UQCRB: variants seen among roughly 807,000 people sequenced by gnomAD.
UQCRB encodes ubiquinol-cytochrome c reductase binding protein, also known as cytochrome b-c1 complex subunit 7.
Under a neutral mutation model 19.8 loss-of-function variants are expected in UQCRB, and 12 were observed. The observed-to-expected ratio is 0.61, with a 90% confidence interval of 0.39 to 0.98. The LOEUF is 0.98. Ranked by LOEUF, UQCRB falls within the 50% of genes least tolerant of loss-of-function variation. The probability of loss-of-function intolerance (pLI) is 0.00; values close to 1 mark genes in which losing one functional copy is unlikely to be tolerated. For missense variants in UQCRB, 142 were observed against 131.8 expected (o/e 1.08, Z -0.38); for synonymous variants, 39 against 42.9 (o/e 0.91, Z 0.35).
In UQCRB at chr8:96,233,246, TTA is replaced by T; in HGVS notation, c.20-21_20-20del. ...GCTGAAACTGATAATTGTCACACTG[TTA>T]ATTGCTACAATTTAATTATACTATA... On this transcript the variant is annotated intron_variant, in intron 1 of 3. Coordinates refer to ENST00000287022, the MANE Select transcript of UQCRB (RefSeq NM_006294.5). 6.2e-7 allele frequency: 1 copy of T among 1,611,924 alleles called. No individual in the cohort carries two copies. Among genetic ancestry groups the T allele is most frequent in the Non-Finnish European group, 8.5e-7 (1 of 1,178,512 alleles).
chr8:96,231,361 A>C, intron 3 of UQCRB: 2 of 1,543,544 alleles, frequency 1.3e-6, no homozygotes, highest in Non-Finnish European at 1.7e-6. Flanking sequence ...GAAGAAAAAG[A>C]AATGAATGTC....
At chr8:96,233,721 A>T (rs1809730033) in intron 1 of UQCRB, 1 of 155,134 alleles carries the variant, frequency 6.4e-6, no homozygotes, top group African/African-American at 2.4e-5. Flanking sequence ...ATTTCAGCAT[A>T]GACTGGCAGG....
chr8:96,231,490 G>C, intron 3 of UQCRB: 1 of 1,534,472 alleles, frequency 6.5e-7, no homozygotes, highest in Non-Finnish European at 8.7e-7. Flanking sequence ...GTAGGAAGCA[G>C]AGTGCAGAGC....
intron 3 of UQCRB, chr8:96,231,405 G>T: frequency 6.5e-7 from 1 of 1,537,448 alleles, no homozygotes; most frequent in Non-Finnish European, 8.7e-7. Context: ...TGCAGTTCAA[G>T]GGGTGAGAGT....
rs1278077195 is a variant in UQCRB, at chr8:96,226,923, A to T, written c.*4132T>A. ...TGATTCAGTTCTTCTTTCTTGCTCA[A>T]TTGCTAATACAATAAAATTTCTTAG... is the stretch of plus-strand genomic sequence containing the variant. On this transcript the variant is annotated 3_prime_UTR_variant, in exon 4 of 4. Transcript: ENST00000287022. 1 of 453,834 alleles carries T rather than the reference A, an allele frequency of 2.2e-6. No homozygotes were observed. Among genetic ancestry groups the T allele is most frequent in the African/African-American group, 2.0e-5 (1 of 49,990 alleles). 28.1% of individuals were successfully genotyped at this position (453,834 alleles called of 1,614,324 possible).
At position 96,229,571 on chromosome 8, in the gene UQCRB, T is replaced by G. The variant is rs555655575; in HGVS notation, c.*1484A>C. On this transcript the variant is annotated 3_prime_UTR_variant, in exon 4 of 4. Coordinates refer to ENST00000287022, the MANE Select transcript of UQCRB (RefSeq NM_006294.5). ...GATCTACTCAGGAAAATTTTCTGAA[T>G]AGACAAATGCTTTTAAAGGGGGTTC... is the stretch of plus-strand genomic sequence containing the variant. The G allele has an allele frequency of 6.6e-6, 3 of 454,120 alleles. No homozygotes were observed. The highest frequency in any genetic ancestry group is 4.0e-5 in the African/African-American group (2 of 50,130). 28.1% of individuals were successfully genotyped at this position (454,120 alleles called of 1,614,324 possible). A position where few individuals can be genotyped will look rare whatever the true frequency, so the allele number is the denominator to read the frequency against.
rs1809504689 is a variant in UQCRB, at chr8:96,225,090, A to C, written c.*5965T>G. 6.6e-6 allele frequency among the ~76,000 whole-genome samples: 1 copy of C among 152,148 alleles called. No individual in the cohort carries two copies. Among genetic ancestry groups the C allele is most frequent in the Non-Finnish European group, 1.5e-5 (1 of 68,022 alleles). On this transcript the variant is annotated 3_prime_UTR_variant, in exon 4 of 4. Transcript: ENST00000287022. ...GATAAGAACTGACCCAGGTTTGGGAAGGGGGAAGAGGGAGCTAAGAGGAAA... is the reference window on the plus strand; with the variant it reads ...GATAAGAACTGACCCAGGTTTGGGACGGGGGAAGAGGGAGCTAAGAGGAAA...
At chr8:96,233,623 T>A (rs532701225) in intron 1 of UQCRB, 1 of 171,176 alleles carries the variant, frequency 5.8e-6, no homozygotes, top group Admixed American at 5.9e-5. Flanking sequence ...GAAATTTCCA[T>A]CATTTGTAGT....
rs532519132 is a variant in UQCRB, at chr8:96,226,546, T to C, written c.*4509A>G. ...TTAAATGCATGCATAAGAGAAAAAT[T>C]GTAAGCTGACTCCTTTGTAAAACAA... On this transcript the variant is annotated 3_prime_UTR_variant, in exon 4 of 4. Coordinates refer to ENST00000287022, the MANE Select transcript of UQCRB (RefSeq NM_006294.5). 22 of 225,172 alleles carry C rather than the reference T, an allele frequency of 9.8e-5. No homozygotes were observed. Among genetic ancestry groups the C allele is most frequent in the Non-Finnish European group, 1.8e-4 (20 of 112,812 alleles). 13.9% of individuals were successfully genotyped at this position (225,172 alleles called of 1,614,324 possible). A position where few individuals can be genotyped will look rare whatever the true frequency, so the allele number is the denominator to read the frequency against.
chr8:96,230,576 T>A lies in UQCRB; in HGVS notation c.*479A>T. ...TAGTATACATGTTAGCACAGGAGTA[T>A]GTATATTACTTAAGTATGCCTATGT... On this transcript the variant is annotated 3_prime_UTR_variant, in exon 4 of 4. Coordinates refer to ENST00000287022, the MANE Select transcript of UQCRB (RefSeq NM_006294.5). 1 of 454,552 alleles carries A rather than the reference T, an allele frequency of 2.2e-6. No individual in the cohort carries two copies. The highest frequency in any genetic ancestry group is 4.4e-6 in the Non-Finnish European group (1 of 227,130). The allele number at this position is 454,552 out of a possible 1,614,324, so 28.2% of individuals were successfully genotyped here. A position where few individuals can be genotyped will look rare whatever the true frequency, so the allele number is the denominator to read the frequency against.
Position 96,229,822 on chromosome 8 carries a change from C to G in UQCRB, c.*1233G>C. 1 of 453,474 alleles carries G rather than the reference C, an allele frequency of 2.2e-6. No individual in the cohort carries two copies. Among genetic ancestry groups the G allele is most frequent in the South Asian group, 1.6e-5 (1 of 64,360 alleles). 28.1% of individuals were successfully genotyped at this position (453,474 alleles called of 1,614,324 possible). On this transcript the variant is annotated 3_prime_UTR_variant, in exon 4 of 4. Transcript: ENST00000287022. ...AGAATTTAAGAGGCTAATATTTTAGCAAAAATTTAAAGATGCTCTTTATGA... is the reference window on the plus strand; with the variant it reads ...AGAATTTAAGAGGCTAATATTTTAGGAAAAATTTAAAGATGCTCTTTATGA...
rs2129798312 is a variant in UQCRB, at chr8:96,230,493, T to C, written c.*562A>G. On this transcript the variant is annotated 3_prime_UTR_variant, in exon 4 of 4. Transcript: ENST00000287022. ...TTCCAAAGTGGAAAAGTCACTGGGA[T>C]ATGGGGACAGTATGATTTGTCTTTA... The C allele has an allele frequency of 2.2e-6, 1 of 454,088 alleles. No homozygotes were observed. Among genetic ancestry groups the C allele is most frequent in the South Asian group, 1.6e-5 (1 of 64,458 alleles). The allele number at this position is 454,088 out of a possible 1,614,324, so 28.1% of individuals were successfully genotyped here. A position where few individuals can be genotyped will look rare whatever the true frequency, so the allele number is the denominator to read the frequency against.
intron 1 of UQCRB, chr8:96,234,520 TA>T (rs1490235208): frequency 7.8e-7 from 1 of 1,287,618 alleles, no homozygotes; most frequent in Admixed American, 2.3e-5. Context: ...TTGAATTTAG[TA>T]AGACTCCTTC....
In UQCRB at chr8:96,224,353, GTC is replaced by G. The variant is rs2129765751; in HGVS notation, c.*6700_*6701del. Among the ~76,000 whole-genome samples, 2 of 152,266 alleles carry G rather than the reference GTC, an allele frequency of 1.3e-5. No individual in the cohort carries two copies. The highest frequency in any genetic ancestry group is 4.8e-5 in the African/African-American group (2 of 41,540). The stretch of plus-strand genomic sequence containing the variant: ...CGTGGGCTGGGGAATAAATATCTCT[GTC>G]TCTCTCATCTGCCCTCTCTTGCAGG... On this transcript the variant is annotated 3_prime_UTR_variant, in exon 4 of 4. Coordinates refer to ENST00000287022, the MANE Select transcript of UQCRB (RefSeq NM_006294.5).
intron 3 of UQCRB, chr8:96,231,463 CTGA>C: frequency 6.5e-7 from 1 of 1,535,062 alleles, no homozygotes; most frequent in Non-Finnish European, 8.7e-7. Context: ...ACTCAATGGG[CTGA>C]TCTTTTCATC....
rs1410578344 is a variant in UQCRB at position 96,225,876 on chromosome 8, G to A, written c.*5179C>T. The A allele has an allele frequency of 1.3e-5, 2 of 151,872 alleles. No homozygotes were observed. Among genetic ancestry groups the A allele is most frequent in the Admixed American group, 6.6e-5 (1 of 15,244 alleles). 9.4% of individuals were successfully genotyped at this position (151,872 alleles called of 1,614,324 possible). ...TTACATACCTGTCTCTACCATCTTG[G>A]TTTTTCTCTGTATTCCCTACACTGG... On this transcript the variant is annotated 3_prime_UTR_variant, in exon 4 of 4. Transcript: ENST00000287022.
At position 96,224,822 on chromosome 8, in the gene UQCRB, A is replaced by C. The variant is rs1809500324; in HGVS notation, c.*6233T>G. On this transcript the variant is annotated 3_prime_UTR_variant, in exon 4 of 4. Transcript: ENST00000287022. The stretch of plus-strand genomic sequence containing the variant: ...TGAAACCTTGCTGGATATTTATGAA[A>C]ACTTGGAGTAAAGAGAGGACTTCTC... Among the ~76,000 whole-genome samples the C allele has an allele frequency of 6.6e-6, 1 of 152,196 alleles. No individual in the cohort carries two copies. Among genetic ancestry groups the C allele is most frequent in the Non-Finnish European group, 1.5e-5 (1 of 68,030 alleles).
At position 96,227,222 on chromosome 8, in the gene UQCRB, G is replaced by A. The variant is rs543451225; in HGVS notation, c.*3833C>T. On this transcript the variant is annotated 3_prime_UTR_variant, in exon 4 of 4. Transcript: ENST00000287022. ...ACTAAATAACATCTCATAATTCATT[G>A]CACAACATATATTAGATTTCATTAC... The A allele has an allele frequency of 5.2e-4, 235 of 453,750 alleles. No homozygotes were observed. The highest frequency in any genetic ancestry group is 4.4e-3 in the African/African-American group (218 of 50,062). The allele number at this position is 453,750 out of a possible 1,614,324, so 28.1% of individuals were successfully genotyped here. A position where few individuals can be genotyped will look rare whatever the true frequency, so the allele number is the denominator to read the frequency against.
Position 96,223,310 on chromosome 8 carries a change from A to C in UQCRB, c.*7745T>G, listed in dbSNP as rs1328027061. On this transcript the variant is annotated 3_prime_UTR_variant, in exon 4 of 4. Coordinates refer to ENST00000287022, the MANE Select transcript of UQCRB (RefSeq NM_006294.5). ...ACACCTTAAATAAAAAAGAAAAGAC[A>C]ACATAGCAATTTCAAGGAAGACAGA... 3.3e-5 allele frequency among the ~76,000 whole-genome samples: 5 copies of C among 152,226 alleles called. No individual in the cohort carries two copies. Among genetic ancestry groups the C allele is most frequent in the Non-Finnish European group, 7.3e-5 (5 of 68,046 alleles).
Sources: gnomAD v4.1 joint callset for allele counts (sites outside exome capture counted in the v4.1 genomes callset) on GRCh38, gnomAD v4.1.1 for gene constraint, MANE v1.5 for transcripts, NCBI Gene and HGNC (gene_info 2026-07-23, HGNC 2026-07-21) for gene names.